The following KANK4 variants were observed in gnomAD, a reference collection of about 807,000 sequenced individuals.
The protein encoded by KANK4 is KN motif and ankyrin repeat domain-containing protein 4.
KANK4 carries 50 observed loss-of-function variants against 80.8 expected under a neutral mutation model. That is an observed-to-expected ratio of 0.62 (90% CI 0.49 to 0.78). The LOEUF is 0.78. Ranked by LOEUF, KANK4 falls within the 30% of genes least tolerant of loss-of-function variation. The pLI, the probability that KANK4 is intolerant of heterozygous loss-of-function variation, is 0.00. For synonymous variants in KANK4, 465 were observed against 506.9 expected (o/e 0.92, Z 1.11); for missense variants, 1,196 against 1,240.1 (o/e 0.96, Z 0.53).
chr1:62,268,139 T>C, intron 5 of KANK4, 148 bp downstream of exon 5: 3 of 702,090 alleles, frequency 4.3e-6, no homozygotes, highest in Non-Finnish European at 7.5e-6. Context: ...ATTCAACCAG[T>C]GCACAGTGTG....
chr1:62,268,545 G>A (rs1349528779), intron 4 of KANK4, 40 bp from the exon 5 acceptor site: 4 of 1,535,938 alleles, frequency 2.6e-6, no homozygotes, highest in Middle Eastern at 1.7e-4. Flanking sequence ...TGTCTTTCCT[G>A]CCCAGTGCCC....
intron 3 of KANK4, 186 bp from the exon 4 acceptor site, chr1:62,271,775 G>A: frequency 1.8e-6 from 1 of 548,018 alleles, no homozygotes; most frequent in Non-Finnish European, 3.3e-6. Flanking sequence ...TCTGCTCAAT[G>A]TTGGGAGAAC....
At position 62,240,430 on chromosome 1, in the gene KANK4, G is replaced by A. The variant is rs35728962; in HGVS notation, c.2884-2049C>T. ...CATGCCTGTAATCCCAGCACTTTGG[G>A]AGGCCAAGGCCGGTGGATCACCTGA... On this transcript the variant is annotated intron_variant, in intron 9 of 9. Transcript: ENST00000371153. 9.7e-3 allele frequency among the ~76,000 whole-genome samples: 1,473 copies of A among 152,318 alleles called. 14 individuals are homozygous for A. Among genetic ancestry groups the A allele is most frequent in the South Asian group, 0.028 (135 of 4,830 alleles).
intron 8 of KANK4, among the ~76,000 whole-genome samples, chr1:62,251,742 T>C (rs2666481): frequency 0.74 from 113,199 of 152,132 alleles, 42,258 homozygotes; most frequent in East Asian, 0.83. Context: ...GCCTGTAATC[T>C]CAGCACTTTG....
chr1:62,293,511 C>T (rs918818421), intron 1 of KANK4, among the ~76,000 whole-genome samples: 12 of 152,148 alleles, frequency 7.9e-5, no homozygotes, highest in African/African-American at 2.9e-4. Flanking sequence ...TCAATTCTTA[C>T]AAGCAAGTGT....
intron 4 of KANK4, among the ~76,000 whole-genome samples, chr1:62,269,064 C>T (rs969884774): frequency 6.6e-6 from 1 of 152,226 alleles, no homozygotes; most frequent in African/African-American, 2.4e-5. Context: ...CTGTGGGATA[C>T]CCCAGCACAG....
intron 8 of KANK4, among the ~76,000 whole-genome samples, chr1:62,248,125 C>G (rs762724181): frequency 3.3e-5 from 5 of 152,154 alleles, no homozygotes; most frequent in African/African-American, 1.2e-4. Flanking sequence ...CCCCAGGAAG[C>G]CTTCTCTGCT....
At chr1:62,242,091 T>C (rs572659216) in intron 9 of KANK4, among the ~76,000 whole-genome samples, 3 of 152,214 alleles carry the variant, frequency 2.0e-5, no homozygotes, top group South Asian at 4.2e-4. Context: ...GAGCCAGGTA[T>C]GGTGAGCCTC....
In KANK4 at chr1:62,273,697, T is replaced by G; in HGVS notation, c.1407A>C (p.Ala469=). 6.2e-7 allele frequency: 1 copy of G among 1,614,128 alleles called. No homozygotes were observed. Among genetic ancestry groups the G allele is most frequent in the Admixed American group, 1.7e-5 (1 of 60,028 alleles). The change falls in exon 3 of 10, where the codon GCA becomes GCC. Residue 469 remains alanine, a synonymous_variant. Coordinates refer to ENST00000371153, the MANE Select transcript of KANK4 (RefSeq NM_181712.5). The part of the protein sequence containing the change: ...DGHKQGNQSP[A]ERVLLPQLSL... The stretch of plus-strand genomic sequence containing the variant: ...ACAGCTGGGGCAGAAGCACACGTTC[T>G]GCTGGGCTCTGATTCCCTTGTTTAT...
rs11207955 is a variant in KANK4 at position 62,275,377 on chromosome 1, C to A, written c.17-290G>T. On this transcript the variant is annotated intron_variant, in intron 2 of 9. Coordinates refer to ENST00000371153, the MANE Select transcript of KANK4 (RefSeq NM_181712.5). The stretch of plus-strand genomic sequence containing the variant: ...TTCTACTGGGGAATCTGCCTGCAGA[C>A]TGGCAAAACCAAATGGTCTTGTACT... 0.38 allele frequency among the ~76,000 whole-genome samples: 57,346 copies of A among 151,994 alleles called. 11,297 individuals carry two copies. The highest frequency in any genetic ancestry group is 0.46 in the African/African-American group (18,966 of 41,442).
intron 1 of KANK4, among the ~76,000 whole-genome samples, chr1:62,306,258 G>A (rs1182200776): frequency 1.3e-5 from 2 of 152,106 alleles, no homozygotes; most frequent in African/African-American, 4.8e-5. Context: ...TGAAAGCATT[G>A]GGATTACAGG....
rs1175517308 is a variant in KANK4 at position 62,267,131 on chromosome 1, A to C, written c.2232-312T>G. On this transcript the variant is annotated intron_variant, in intron 5 of 9. Transcript: ENST00000371153. Reference sequence around the variant, plus strand: ...GGGGGTGGTGGACAGGCCCACCTGCATTTCCTGGCATGCTGGGAAGGGGAG... The same window carrying C: ...GGGGGTGGTGGACAGGCCCACCTGCCTTTCCTGGCATGCTGGGAAGGGGAG... 3.9e-5 allele frequency among the ~76,000 whole-genome samples: 6 copies of C among 152,016 alleles called. No homozygotes were observed. In the East Asian group the frequency reaches 1.2e-3, roughly 29 times the overall value.
intron 1 of KANK4, among the ~76,000 whole-genome samples, chr1:62,297,118 G>A (rs1644372880): frequency 6.6e-6 from 1 of 152,108 alleles, no homozygotes; most frequent in South Asian, 2.1e-4. Flanking sequence ...TCAGGGGGTT[G>A]AGGCAGGAGA....
chr1:62,278,320 T>TCTTCCTTCCTTC (rs1166178685), intron 2 of KANK4, among the ~76,000 whole-genome samples: 3 of 60,530 alleles, frequency 5.0e-5, no homozygotes, highest in Admixed American at 2.0e-4. Flanking sequence ...ACATTTTCTT[T>TCTTCCTTCCTTC]CTTCCTTCCT....
chr1:62,306,101 C>T (rs1644448734), intron 1 of KANK4, among the ~76,000 whole-genome samples: 1 of 152,134 alleles, frequency 6.6e-6, no homozygotes, highest in Admixed American at 6.5e-5. Context: ...CCTTCTGGTT[C>T]AGTCTCCTAA....
Position 62,273,881 on chromosome 1 carries a change from C to G in KANK4, c.1223G>C (p.Gly408Ala), listed in dbSNP as rs761442682. Residue 408 changes from glycine to alanine, a missense_variant, in exon 3 of 10, where the codon GGC becomes GCC. By Grantham distance (60) the Gly-to-Ala change is moderately conservative. This residue lies in a region of KANK4 where 1,154 missense variants were observed against 1,179.6 expected (regional missense o/e 0.98). Coordinates refer to ENST00000371153, the MANE Select transcript of KANK4 (RefSeq NM_181712.5). ...FHQENAKDTQ[G>A]QTDVMVNTDP... The stretch of plus-strand genomic sequence containing the variant: ...AGTGTTCACCATCACGTCCGTCTGG[C>G]CCTGAGTGTCTTTGGCGTTCTCTTG... 3 of 1,614,210 alleles carry G rather than the reference C, an allele frequency of 1.9e-6. No homozygotes were observed. In the African/African-American group the frequency reaches 4.0e-5, roughly 22 times the overall value.
intron 9 of KANK4, among the ~76,000 whole-genome samples, chr1:62,246,420 C>T (rs1258600912): frequency 6.6e-6 from 1 of 152,118 alleles, no homozygotes. Flanking sequence ...GACAGCAGAG[C>T]TTCCCCATCT....
intron 2 of KANK4, among the ~76,000 whole-genome samples, chr1:62,280,685 G>A (rs1289543729): frequency 6.6e-6 from 1 of 152,196 alleles, no homozygotes; most frequent in Non-Finnish European, 1.5e-5. Flanking sequence ...GACAGGAAGA[G>A]GGGAACATGC....
At chr1:62,291,116 C>T (rs1274772622) in intron 1 of KANK4, among the ~76,000 whole-genome samples, 1 of 152,146 alleles carries the variant, frequency 6.6e-6, no homozygotes, top group Non-Finnish European at 1.5e-5. Context: ...TATAGCCATC[C>T]TAGTAGGTGT....
Sources: allele counts gnomAD v4.1 joint callset (sites outside exome capture counted in the v4.1 genomes callset), GRCh38; gene constraint gnomAD v4.1.1; regional missense constraint gnomAD v4.1.1; transcripts MANE v1.5; gene names NCBI Gene and HGNC (gene_info 2026-07-23, HGNC 2026-07-21).